The following CLEC9A variants were observed in gnomAD, a reference collection of about 807,000 sequenced individuals.
CLEC9A encodes the protein C-type lectin domain family 9 member A.
Under a neutral mutation model 30.0 loss-of-function variants are expected in CLEC9A, and 24 were observed. The ratio of observed to expected loss-of-function variants is 0.80; its 90% CI spans 0.58 to 1.13. The LOEUF (loss-of-function observed/expected upper bound fraction) is 1.13. Among genes scored for constraint, CLEC9A ranks in the 50% most tolerant of loss-of-function variants. The pLI is 0.00. For synonymous variants in CLEC9A, 111 were observed against 96.8 expected (o/e 1.15, Z -0.86); for missense variants, 251 against 280.9 (o/e 0.89, Z 0.76).
rs1865920729 is a variant in CLEC9A at position 10,054,278 on chromosome 12, C to T, written c.99C>T (p.Cys33=). 1 of 1,612,096 alleles carries T rather than the reference C, an allele frequency of 6.2e-7. No individual in the cohort carries two copies. The highest frequency in any genetic ancestry group is 8.5e-7 in the Non-Finnish European group (1 of 1,178,908). Residue 33 remains cysteine, a synonymous_variant, in exon 5 of 9, where the codon TGC becomes TGT. Coordinates refer to ENST00000355819, the MANE Select transcript of CLEC9A (RefSeq NM_207345.4). ...TTCCTATTCTGTGGTTAGGAGCATG[C>T]TGTCTTGTGATGGTGATTTCATGTG... ...CLSSNKCSGA[C]CLVMVISCVF... is the part of the protein sequence containing the mutation.
intron 1 of CLEC9A, among the ~76,000 whole-genome samples, chr12:10,035,242 G>A (rs1865733690): frequency 6.6e-6 from 1 of 152,190 alleles, no homozygotes; most frequent in South Asian, 2.1e-4. Context: ...ATAGGCACAG[G>A]ATGGGGACAT....
At chr12:10,041,170 C>T (rs1427887394) in intron 1 of CLEC9A, among the ~76,000 whole-genome samples, 1 of 151,976 alleles carries the variant, frequency 6.6e-6, no homozygotes, top group South Asian at 2.1e-4. Context: ...CACTTAAACC[C>T]GGGAGGTGAA....
At chr12:10,062,617 G>A (rs1240550640) in intron 6 of CLEC9A, among the ~76,000 whole-genome samples, 1 of 152,060 alleles carries the variant, frequency 6.6e-6, no homozygotes, top group Non-Finnish European at 1.5e-5. Flanking sequence ...TTAGCTCTCA[G>A]AATTTAAACA....
In CLEC9A at chr12:10,030,972, G is replaced by A. The variant is rs1865690753; in HGVS notation, c.-318G>A. 1 of 152,170 alleles carries A rather than the reference G, an allele frequency of 6.6e-6. No homozygotes were observed. The highest frequency in any genetic ancestry group is 1.5e-5 in the Non-Finnish European group (1 of 68,044). 9.4% of individuals were successfully genotyped at this position (152,170 alleles called of 1,614,324 possible). The stretch of plus-strand genomic sequence containing the variant: ...AACTGATGATACTCTCTGCAGAAGA[G>A]GTAAGAACCACTGGCAGTAGGGTGG... On this transcript the variant is annotated splice_region_variant and 5_prime_UTR_variant, in exon 1 of 9. Coordinates refer to ENST00000355819, the MANE Select transcript of CLEC9A (RefSeq NM_207345.4).
chr12:10,046,328 A>G (rs1454816321), intron 2 of CLEC9A, among the ~76,000 whole-genome samples: 1 of 152,188 alleles, frequency 6.6e-6, no homozygotes, highest in Non-Finnish European at 1.5e-5. Context: ...CATTACACAA[A>G]TACAATTACT....
intron 7 of CLEC9A, among the ~76,000 whole-genome samples, chr12:10,064,267 G>A (rs945687122): frequency 1.4e-4 from 21 of 152,126 alleles, no homozygotes; most frequent in African/African-American, 1.9e-4. Flanking sequence ...GTTATTTTAC[G>A]TGCAAATTTG....
intron 1 of CLEC9A, among the ~76,000 whole-genome samples, chr12:10,034,721 G>A (rs4764210): frequency 1.3e-3 from 204 of 152,212 alleles, no homozygotes; most frequent in Middle Eastern, 3.4e-3. Context: ...TCAGTGCCCC[G>A]CTACTCAGAC....
intron 5 of CLEC9A, chr12:10,060,798 T>C (rs545572107): frequency 6.9e-4 from 167 of 240,374 alleles, no homozygotes; most frequent in Non-Finnish European, 1.3e-3. Flanking sequence ...AGTTTTATAT[T>C]CATTTGCCTT....
At chr12:10,056,012 T>C (rs1865939343) in intron 5 of CLEC9A, among the ~76,000 whole-genome samples, 1 of 140,692 alleles carries the variant, frequency 7.1e-6, no homozygotes, top group Non-Finnish European at 1.5e-5. Flanking sequence ...TGAGCCAAGA[T>C]TGTACCACTG....
intron 2 of CLEC9A, among the ~76,000 whole-genome samples, chr12:10,045,180 G>C (rs189974500): frequency 6.6e-6 from 1 of 152,226 alleles, no homozygotes; most frequent in Admixed American, 6.5e-5. Context: ...ACTAAAGTCT[G>C]ATCTTGTAGA....
At chr12:10,062,964 T>C in intron 6 of CLEC9A, 91 bp from the exon 7 acceptor site, 1 of 1,133,018 alleles carries the variant, frequency 8.8e-7, no homozygotes, top group Non-Finnish European at 1.2e-6. Flanking sequence ...AGATTCAGCC[T>C]CACTGAGGGT....
In CLEC9A at chr12:10,061,563, G is replaced by A. The variant is rs139062574; in HGVS notation, c.319+290G>A. ...AAAAATACATGCACAAAAAAAAATC[G>A]TTTTATCCAGCCATTCAAATTTGTA... is the stretch of plus-strand genomic sequence containing the variant. On this transcript the variant is annotated intron_variant, in intron 6 of 8. Transcript: ENST00000355819. Among the ~76,000 whole-genome samples, 754 of 152,080 alleles carry A rather than the reference G, an allele frequency of 5.0e-3. 4 individuals are homozygous for A. Among genetic ancestry groups the A allele is most frequent in the Non-Finnish European group, 8.6e-3 (582 of 67,968 alleles).
chr12:10,063,070 C>G lies in CLEC9A; in HGVS notation c.335C>G (p.Pro112Arg), dbSNP rs750399179. The change falls in exon 7 of 9, where the codon CCT (proline) becomes CGT (arginine). Residue 112 changes from proline (P) to arginine (R), a missense_variant. Physicochemically the swap from Pro to Arg is moderately radical, Grantham distance 103. Transcript: ENST00000355819. ...ATATTCAAAGCCCATAACAGCAGTCCTTGTCCAAACAATTGGATTCAGAAC... is the reference window on the plus strand; with the variant it reads ...ATATTCAAAGCCCATAACAGCAGTCGTTGTCCAAACAATTGGATTCAGAAC... Reference protein sequence around the residue: ...NSLSSAHNSSPCPNNWIQNRE... With the variant: ...NSLSSAHNSSRCPNNWIQNRE... The G allele has an allele frequency of 2.2e-5, 35 of 1,603,854 alleles. No homozygotes were observed. The East Asian group carries it at 7.6e-4, about 35-fold the overall frequency.
chr12:10,054,214 C>A, intron 4 of CLEC9A, 57 bp from the exon 5 acceptor site: 1 of 1,337,814 alleles, frequency 7.5e-7, no homozygotes, highest in Middle Eastern at 1.8e-4. Flanking sequence ...TATCCTTGCC[C>A]CGTCTTTTTT....
At chr12:10,033,881 A>G (rs1340355670) in intron 1 of CLEC9A, among the ~76,000 whole-genome samples, 1 of 152,256 alleles carries the variant, frequency 6.6e-6, no homozygotes, top group African/African-American at 2.4e-5. Flanking sequence ...TATTTACAAA[A>G]AAAGAAATAG....
chr12:10,044,519 C>T (rs1865828538), intron 2 of CLEC9A, among the ~76,000 whole-genome samples: 1 of 152,128 alleles, frequency 6.6e-6, no homozygotes, highest in Non-Finnish European at 1.5e-5. Context: ...AAATCAAACT[C>T]GTTTTTTTAT....
At position 10,051,204 on chromosome 12, in the gene CLEC9A, T is replaced by TA. The variant is rs76673745; in HGVS notation, c.-162-772dup. Among the ~76,000 whole-genome samples the TA allele has an allele frequency of 7.7e-3, 1,058 of 136,692 alleles. 17 individuals carry two copies. The highest frequency in any genetic ancestry group is 0.021 in the African/African-American group (794 of 37,080). The allele number at this position is 136,692 out of a possible 152,430, so 89.7% of individuals were successfully genotyped here. A position where few individuals can be genotyped will look rare whatever the true frequency, so the allele number is the denominator to read the frequency against. The stretch of plus-strand genomic sequence containing the variant: ...TGGGCGACAAGAGTGAAACTCTGTC[T>TA]AAAAAAAAAAAAAAATGAATAAATA... On this transcript the variant is annotated intron_variant, in intron 2 of 8. Coordinates refer to ENST00000355819, the MANE Select transcript of CLEC9A (RefSeq NM_207345.4).
chr12:10,041,991 A>G (rs1173995553), intron 2 of CLEC9A, among the ~76,000 whole-genome samples: 2 of 152,220 alleles, frequency 1.3e-5, no homozygotes, highest in African/African-American at 4.8e-5. Context: ...ATCCAGTTAA[A>G]TTAATTAGCT....
chr12:10,039,945 C>A (rs961443159), intron 1 of CLEC9A, among the ~76,000 whole-genome samples: 2 of 152,106 alleles, frequency 1.3e-5, no homozygotes, highest in African/African-American at 4.8e-5. Context: ...GCCTTAGCCT[C>A]CCGAGTAGCT....
Sources: gnomAD v4.1 joint callset for allele counts (sites outside exome capture counted in the v4.1 genomes callset) on GRCh38, gnomAD v4.1.1 for gene constraint, MANE v1.5 for transcripts, NCBI Gene and HGNC (gene_info 2026-07-23, HGNC 2026-07-21) for gene names.